The following LRP1B variants were observed in gnomAD, a reference collection of about 807,000 sequenced individuals.
LRP1B encodes the protein LDL receptor related protein 1B.
LRP1B carries 217 observed loss-of-function variants against 556.6 expected under a neutral mutation model. The observed-to-expected ratio is 0.39, with a 90% CI of 0.35 to 0.44. The LOEUF (loss-of-function observed/expected upper bound fraction) is 0.44. Ranked by LOEUF, LRP1B falls within the 20% of genes least tolerant of loss-of-function variation. LRP1B has a pLI of 1.00. For synonymous variants in LRP1B, 2,047 were observed against 1,865.8 expected (o/e 1.10, Z -2.50); for missense variants, 5,053 against 5,620.8 (o/e 0.90, Z 3.23).
chr2:141,139,346 A>AG (rs1701574081), intron 7 of LRP1B, among the ~76,000 whole-genome samples: 1 of 151,970 alleles, frequency 6.6e-6, no homozygotes, highest in Non-Finnish European at 1.5e-5. Context: ...TATAAAAAAA[A>AG]TGATAAACTT....
At chr2:141,744,017 T>C (rs1477378744) in intron 2 of LRP1B, among the ~76,000 whole-genome samples, 1 of 152,044 alleles carries the variant, frequency 6.6e-6, no homozygotes, top group Non-Finnish European at 1.5e-5. Flanking sequence ...TCTTTATTAT[T>C]TCTTTTCTTC....
intron 31 of LRP1B, among the ~76,000 whole-genome samples, chr2:140,834,600 C>T (rs1691836977): frequency 6.6e-6 from 1 of 152,162 alleles, no homozygotes; most frequent in South Asian, 2.1e-4. Flanking sequence ...AAGACTTGGC[C>T]AGTTAGTGTT....
At chr2:140,520,267 A>G (rs2104950155) in intron 49 of LRP1B, among the ~76,000 whole-genome samples, 1 of 152,318 alleles carries the variant, frequency 6.6e-6, no homozygotes, top group South Asian at 2.1e-4. Context: ...ATGGAATACT[A>G]TGCAACCATA....
chr2:140,867,966 G>A lies in LRP1B; in HGVS notation c.4335-132C>T, dbSNP rs577699116. On this transcript the variant is annotated intron_variant, in intron 26 of 90. Transcript: ENST00000389484. The stretch of plus-strand genomic sequence containing the variant: ...TTTTATGGGTCTGTATCTGATTTGG[G>A]GCAAGCAAAAAAAAAATACACCTCC... The A allele has an allele frequency of 2.1e-5, 27 of 1,289,070 alleles. No individual in the cohort carries two copies. In the East Asian group the frequency reaches 6.7e-4, roughly 32 times the overall value. 79.9% of individuals were successfully genotyped at this position (1,289,070 alleles called of 1,614,324 possible).
chr2:141,742,252 TTTC>T (rs1418001916), intron 2 of LRP1B, among the ~76,000 whole-genome samples: 56 of 136,998 alleles, frequency 4.1e-4, no homozygotes, highest in African/African-American at 1.4e-3. Flanking sequence ...TTTTTCTTTC[TTTC>T]TTTTTTTTTT....
chr2:140,960,804 T>C (rs1443570031), intron 18 of LRP1B, among the ~76,000 whole-genome samples: 1 of 152,030 alleles, frequency 6.6e-6, no homozygotes, highest in African/African-American at 2.4e-5. Flanking sequence ...ACACATCTGA[T>C]ACTATGGTCA....
Position 141,013,630 on chromosome 2 carries a change from C to A in LRP1B, c.2306G>T (p.Ser769Ile), listed in dbSNP as rs370365884. The A allele has an allele frequency of 1.2e-6, 2 of 1,612,562 alleles. No homozygotes were observed. Among genetic ancestry groups the A allele is most frequent in the Non-Finnish European group, 1.7e-6 (2 of 1,179,120 alleles). Residue 769 changes from serine to isoleucine, a missense_variant, in exon 14 of 91, where the codon AGT becomes ATT. Transcript: ENST00000389484. The part of the protein sequence containing the change: ...GSIFQLDLIT[S>I]EVTLLRHERP... ...TTCATGCCTCAGCAATGTCACCTCACTTGTTATCAAATCTAGTTGAAAAAT... is the reference window on the plus strand; with the variant it reads ...TTCATGCCTCAGCAATGTCACCTCAATTGTTATCAAATCTAGTTGAAAAAT...
chr2:141,265,705 A>ATGTG (rs142074969), intron 3 of LRP1B, among the ~76,000 whole-genome samples: 1 of 151,790 alleles, frequency 6.6e-6, no homozygotes, highest in African/African-American at 2.4e-5. Flanking sequence ...AATGAGATAG[A>ATGTG]TGTGTGTGTG....
chr2:141,708,251 C>A (rs538772895), intron 2 of LRP1B, among the ~76,000 whole-genome samples: 65 of 152,090 alleles, frequency 4.3e-4, no homozygotes, highest in African/African-American at 1.5e-3. Flanking sequence ...AAAATTAAAT[C>A]TATTTATGTA....
chr2:141,918,439 G>T (rs1247346572), intron 1 of LRP1B, among the ~76,000 whole-genome samples: 2 of 152,126 alleles, frequency 1.3e-5, no homozygotes, highest in East Asian at 1.9e-4. Context: ...TATGTATTTG[G>T]TATCGAGTGA....
intron 5 of LRP1B, among the ~76,000 whole-genome samples, chr2:141,237,584 C>T (rs951350563): frequency 1.3e-5 from 2 of 151,972 alleles, no homozygotes; most frequent in Non-Finnish European, 2.9e-5. Context: ...AAGCATAAAC[C>T]TTAAAATAAT....
At chr2:141,140,860 T>A (rs890685749) in intron 7 of LRP1B, among the ~76,000 whole-genome samples, 2 of 152,086 alleles carry the variant, frequency 1.3e-5, no homozygotes, top group Non-Finnish European at 2.9e-5. Flanking sequence ...TATACAATTA[T>A]ATATAATATA....
chr2:140,643,220 T>C (rs985432632), intron 41 of LRP1B, among the ~76,000 whole-genome samples: 2 of 152,194 alleles, frequency 1.3e-5, no homozygotes, highest in African/African-American at 4.8e-5. Context: ...CTTAATGTTG[T>C]TCTTATAACG....
At chr2:141,147,771 G>A (rs1332823731) in intron 7 of LRP1B, among the ~76,000 whole-genome samples, 4 of 152,032 alleles carry the variant, frequency 2.6e-5, no homozygotes, top group Non-Finnish European at 4.4e-5. Context: ...TTTGAAGTAC[G>A]GTCACATACC....
intron 49 of LRP1B, among the ~76,000 whole-genome samples, chr2:140,519,503 A>AAACC (rs1690064222): frequency 6.6e-6 from 1 of 152,184 alleles, no homozygotes; most frequent in Non-Finnish European, 1.5e-5. Flanking sequence ...AAAACCATAA[A>AAACC]AACCCTAGAA....
chr2:141,978,880 A>G (rs1304461677), intron 1 of LRP1B, among the ~76,000 whole-genome samples: 1 of 152,070 alleles, frequency 6.6e-6, no homozygotes, highest in African/African-American at 2.4e-5. Flanking sequence ...TATGTTTAAC[A>G]TGATTCTGAC....
intron 4 of LRP1B, among the ~76,000 whole-genome samples, chr2:141,249,453 C>A (rs1199058374): frequency 6.6e-6 from 1 of 152,084 alleles, no homozygotes; most frequent in Non-Finnish European, 1.5e-5. Flanking sequence ...AAAAATTAGC[C>A]AGGCATGGTG....
chr2:141,123,115 A>T (rs529613880), intron 7 of LRP1B, among the ~76,000 whole-genome samples: 40 of 151,838 alleles, frequency 2.6e-4, no homozygotes, highest in Non-Finnish European at 4.9e-4. Context: ...GGGGAGAGGG[A>T]TAGCATTAGG....
chr2:140,344,839 G>T (rs1162822409), intron 77 of LRP1B, among the ~76,000 whole-genome samples: 1 of 151,526 alleles, frequency 6.6e-6, no homozygotes, highest in Non-Finnish European at 1.5e-5. Context: ...CTGAGCCTGG[G>T]GTATTTCATT....
Sources: gnomAD v4.1 joint callset for allele counts (sites outside exome capture counted in the v4.1 genomes callset) on GRCh38, gnomAD v4.1.1 for gene constraint, MANE v1.5 for transcripts, NCBI Gene and HGNC (gene_info 2026-07-23, HGNC 2026-07-21) for gene names.